Variants in ANKS3 observed in about 807,000 individuals in gnomAD.
ANKS3 encodes the protein ankyrin repeat and sterile alpha motif domain containing 3, also known as ankyrin repeat and SAM domain-containing protein 3.
In ANKS3, 62 loss-of-function variants were observed where a neutral mutation model predicts 80.7. The observed-to-expected ratio is 0.77, with a 90% confidence interval of 0.63 to 0.95. ANKS3 has a LOEUF of 0.95. Among genes scored for constraint, ANKS3 ranks in the 40% least tolerant of loss-of-function variants. The pLI is 0.00. For synonymous variants in ANKS3, 489 were observed against 355.3 expected, an observed-to-expected ratio of 1.38 and a Z score of -4.23; for missense variants, 1,150 against 883.6, an observed-to-expected ratio of 1.30 and a Z score of -3.82.
Position 4,705,195 on chromosome 16 carries a change from C to CCTCTGT in ANKS3, c.762_767dup (p.Gln255_Arg256dup). The CCTCTGT allele has an allele frequency of 6.2e-7, 1 of 1,613,994 alleles. No individual in the cohort carries two copies. The highest frequency in any genetic ancestry group is 8.5e-7 in the Non-Finnish European group (1 of 1,180,034). On this transcript the variant is annotated inframe_insertion, in exon 8 of 18. Coordinates refer to ENST00000304283, the MANE Select transcript of ANKS3 (RefSeq NM_133450.4). ...TGCTGACACCCTTCTTCCGGCAAGG[C>CCTCTGT]CTCTGTCTCTGAGGAGCAGGGCAGG...
intron 11 of ANKS3, 159 bp from the exon 12 acceptor site, chr16:4,699,335 C>T: frequency 9.8e-7 from 1 of 1,024,722 alleles, no homozygotes. Flanking sequence ...GTGGCTCAGG[C>T]AGGGCAGGAT....
At chr16:4,733,387 G>A (rs1048379023) in intron 1 of ANKS3, among the ~76,000 whole-genome samples, 1 of 151,848 alleles carries the variant, frequency 6.6e-6, no homozygotes, top group African/African-American at 2.4e-5. Context: ...CGCCTCCTGG[G>A]TTCAAGCGAT....
intron 6 of ANKS3, chr16:4,717,479 A>C (rs1248260100): frequency 6.6e-6 from 1 of 151,910 alleles, no homozygotes; most frequent in Non-Finnish European, 1.5e-5. Context: ...GAGGCAGGAG[A>C]ATCGCTTCAA....
At position 4,701,025 on chromosome 16, in the gene ANKS3, C is replaced by A. The variant is rs141742096; in HGVS notation, c.1229G>T (p.Gly410Val). 1 of 1,614,062 alleles carries A rather than the reference C, an allele frequency of 6.2e-7. No individual in the cohort carries two copies. The highest frequency in any genetic ancestry group is 1.6e-4 in the Middle Eastern group (1 of 6,062). Residue 410 changes from glycine to valine, a missense_variant, in exon 11 of 18, where the codon GGC becomes GTC. By Grantham distance (109) the Gly-to-Val change is moderately radical (BLOSUM62 -3). Transcript: ENST00000304283. ...WPPRAATDRE[G>V]FLAESSPQTQ... ...CTGGGGGCTGGACTCAGCGAGAAAG[C>A]CTTCCCTGTCAGTTGCAGCGCGGGG...
At position 4,699,363 on chromosome 16, in the gene ANKS3, C is replaced by CCT; in HGVS notation, c.1285-189_1285-188dup. On this transcript the variant is annotated intron_variant, in intron 11 of 17. Transcript: ENST00000304283. ...GGCAGGATGTTGCAGGCAGGTGAGT[C>CCT]CTCACACTATGGTCGGCCACGTGGG... 3 of 755,930 alleles carry CCT rather than the reference C, an allele frequency of 4.0e-6. No individual in the cohort carries two copies. The South Asian group carries it at 5.4e-5, about 14-fold the overall frequency. The allele number at this position is 755,930 out of a possible 1,614,324, so 46.8% of individuals were successfully genotyped here.
At chr16:4,722,437 G>A (rs750509128) in intron 6 of ANKS3, among the ~76,000 whole-genome samples, 13 of 151,826 alleles carry the variant, frequency 8.6e-5, no homozygotes, top group Non-Finnish European at 1.3e-4. Flanking sequence ...AAAATTAGCC[G>A]GGATTTTTTG....
intron 7 of ANKS3, 86 bp downstream of exon 7, chr16:4,713,965 A>G: frequency 1.2e-5 from 19 of 1,535,300 alleles, no homozygotes; most frequent in Non-Finnish European, 1.7e-5. Flanking sequence ...GAGCCGGGGA[A>G]GCGGGGGACA....
At chr16:4,700,529 G>A (rs945021619) in intron 11 of ANKS3, 1 of 330,928 alleles carries the variant, frequency 3.0e-6, no homozygotes, top group Non-Finnish European at 5.9e-6. Flanking sequence ...CAGCTGAGCT[G>A]TGAGTCACAC....
intron 16 of ANKS3, 96 bp downstream of exon 16, chr16:4,697,237 G>A (rs1567282071): frequency 1.6e-5 from 24 of 1,542,726 alleles, no homozygotes; most frequent in Non-Finnish European, 2.0e-5. Context: ...CAGCCTTGGG[G>A]TAGAGAGACA....
intron 6 of ANKS3, among the ~76,000 whole-genome samples, chr16:4,723,743 A>G (rs1463770840): frequency 6.6e-6 from 1 of 152,198 alleles, no homozygotes; most frequent in African/African-American, 2.4e-5. Flanking sequence ...GGCAATTATG[A>G]ATAATACTGC....
At chr16:4,713,566 A>G (rs1222830453) in intron 7 of ANKS3, among the ~76,000 whole-genome samples, 3 of 152,006 alleles carry the variant, frequency 2.0e-5, no homozygotes, top group African/African-American at 2.4e-5. Flanking sequence ...AAAATTTAAA[A>G]CCCTCCTGCA....
intron 10 of ANKS3, 76 bp from the exon 11 acceptor site, chr16:4,701,210 CAG>C (rs1491286674): frequency 2.5e-5 from 40 of 1,597,896 alleles, no homozygotes; most frequent in African/African-American, 1.1e-4. Flanking sequence ...ACCCGCCACA[CAG>C]GGGCTTGAGA....
chr16:4,717,364 C>G (rs1166654722), intron 6 of ANKS3: 1 of 152,190 alleles, frequency 6.6e-6, no homozygotes, highest in East Asian at 1.9e-4. Flanking sequence ...GCCTGGCCAA[C>G]AACCAGCCTG....
At position 4,734,208 on chromosome 16, in the gene ANKS3, C is replaced by G. The variant is rs1459852967; in HGVS notation, c.-341G>C. On this transcript the variant is annotated 5_prime_UTR_variant, in exon 1 of 18. Coordinates refer to ENST00000304283, the MANE Select transcript of ANKS3 (RefSeq NM_133450.4). ...CCCTCGGGCTGCCGTCGCCAACCCC[C>G]CCCAAACAGCTCGCCGCCACGCTCC... is the stretch of plus-strand genomic sequence containing the variant. 5.6e-6 allele frequency: 1 copy of G among 179,466 alleles called. No homozygotes were observed. The highest frequency in any genetic ancestry group is 2.9e-3 in the Middle Eastern group (1 of 350). The allele number at this position is 179,466 out of a possible 1,614,324, so 11.1% of individuals were successfully genotyped here.
chr16:4,714,250 G>A (rs945532902), intron 6 of ANKS3, 64 bp from the exon 7 acceptor site: 1 of 1,591,990 alleles, frequency 6.3e-7, no homozygotes, highest in Non-Finnish European at 8.6e-7. Context: ...TTCCTGGGCT[G>A]CTGGCTGGGA....
chr16:4,696,974 C>G, intron 17 of ANKS3, 43 bp downstream of exon 17: 2 of 1,596,628 alleles, frequency 1.3e-6, no homozygotes, highest in Non-Finnish European at 1.7e-6. Context: ...CAGACAGGCC[C>G]TGCTGCTCCC....
rs959235740 is a variant in ANKS3 at position 4,721,621 on chromosome 16, T to G, written c.573+3129A>C. Among the ~76,000 whole-genome samples the G allele has an allele frequency of 3.8e-3, 366 of 97,064 alleles. 1 individual carries two copies. The highest frequency in any genetic ancestry group is 0.011 in the African/African-American group (341 of 32,436). 63.7% of individuals were successfully genotyped at this position (97,064 alleles called of 152,430 possible). A position where few individuals can be genotyped will look rare whatever the true frequency, so the allele number is the denominator to read the frequency against. On this transcript the variant is annotated intron_variant, in intron 6 of 17. Transcript: ENST00000304283. ...GCAAGACCCCATCTCTTTATTGATT[T>G]ATTGATTTATTTATTTATTTATTTA...
rs1434241566 is a variant in ANKS3 at position 4,698,001 on chromosome 16, G to A, written c.1786C>T (p.Leu596=). The change falls in exon 15 of 18, where the codon CTG becomes TTG. Residue 596 remains leucine (L), a synonymous_variant. Coordinates refer to ENST00000304283, the MANE Select transcript of ANKS3 (RefSeq NM_133450.4). The part of the protein sequence containing the change: ...RQDQPPGAAT[L]GLAVPPADSK... ...CCAGCTGGGGGGACGGCTAGGCCCAGAGTGGCTGCACCAGGGGGCTGGTCC... is the reference window on the plus strand; with the variant it reads ...CCAGCTGGGGGGACGGCTAGGCCCAAAGTGGCTGCACCAGGGGGCTGGTCC... 5.6e-6 allele frequency: 9 copies of A among 1,604,670 alleles called. No individual in the cohort carries two copies. The South Asian group carries it at 7.8e-5, about 14-fold the overall frequency.
intron 7 of ANKS3, among the ~76,000 whole-genome samples, chr16:4,711,834 T>C (rs1031765895): frequency 1.3e-5 from 2 of 149,980 alleles, no homozygotes; most frequent in Non-Finnish European, 3.0e-5. Flanking sequence ...ACTGACCCCA[T>C]AAGAAAAGAA....
Sources: allele counts gnomAD v4.1 joint callset (sites outside exome capture counted in the v4.1 genomes callset), GRCh38; gene constraint gnomAD v4.1.1; transcripts MANE v1.5; gene names NCBI Gene and HGNC (gene_info 2026-07-23, HGNC 2026-07-21).